SEMA6D: variants seen among roughly 807,000 people sequenced by gnomAD.
SEMA6D encodes semaphorin-6D.
Under a neutral mutation model 106.6 loss-of-function variants are expected in SEMA6D, and 35 were observed. That is an observed-to-expected ratio of 0.33 (90% confidence interval 0.25 to 0.44). The LOEUF (loss-of-function observed/expected upper bound fraction) is 0.44, where lower values mean the gene tolerates loss of function less well. SEMA6D is among the 20% of genes least tolerant of loss of function. The pLI, the probability that SEMA6D is intolerant of heterozygous loss-of-function variation, is 1.00. For synonymous variants in SEMA6D, 499 were observed against 487.7 expected (o/e 1.02, Z -0.31); for missense variants, 1,185 against 1,345.9 (o/e 0.88, Z 1.87).
At chr15:47,567,950 T>TA (rs1430515812) in intron 3 of SEMA6D, among the ~76,000 whole-genome samples, 1 of 152,122 alleles carries the variant, frequency 6.6e-6, no homozygotes, top group Non-Finnish European at 1.5e-5. Flanking sequence ...ACATGGCCAA[T>TA]AAACATGAAA....
chr15:47,301,919 G>T (rs78252824), intron 1 of SEMA6D, among the ~76,000 whole-genome samples: 1 of 152,138 alleles, frequency 6.6e-6, no homozygotes, highest in African/African-American at 2.4e-5. Context: ...AGACTAACCT[G>T]TGTAGAAAAT....
At chr15:47,432,562 C>CATATACACCTATAT (rs1555438670) in intron 2 of SEMA6D, among the ~76,000 whole-genome samples, 1 of 43,260 alleles carries the variant, frequency 2.3e-5, no homozygotes, top group African/African-American at 7.3e-5. Flanking sequence ...TATACATATA[C>CATATACACCTATAT]GCATATGTAT....
chr15:47,575,365 G>T (rs573704482), intron 3 of SEMA6D, among the ~76,000 whole-genome samples: 1 of 152,248 alleles, frequency 6.6e-6, no homozygotes, highest in East Asian at 1.9e-4. Flanking sequence ...CCACAGTAAA[G>T]CCCAGATATG....
intron 1 of SEMA6D, among the ~76,000 whole-genome samples, chr15:47,198,719 C>G (rs963216126): frequency 6.6e-6 from 1 of 152,048 alleles, no homozygotes; most frequent in African/African-American, 2.4e-5. Context: ...AGCAAGAGAA[C>G]CAGGATTCAA....
intron 1 of SEMA6D, among the ~76,000 whole-genome samples, chr15:47,379,183 C>T (rs1032320397): frequency 2.0e-5 from 3 of 152,150 alleles, no homozygotes; most frequent in African/African-American, 7.2e-5. Flanking sequence ...AAATTGTTTA[C>T]ATTTCTCTGA....
chr15:47,211,768 A>G (rs537490006), intron 1 of SEMA6D, among the ~76,000 whole-genome samples: 18 of 151,616 alleles, frequency 1.2e-4, no homozygotes, highest in South Asian at 8.3e-4. Context: ...TAGGAAAGGA[A>G]AGAAAAGAAA....
intron 3 of SEMA6D, among the ~76,000 whole-genome samples, chr15:47,556,891 G>T (rs555054487): frequency 2.0e-5 from 3 of 152,202 alleles, no homozygotes; most frequent in African/African-American, 7.2e-5. Flanking sequence ...CAGTGCAAAG[G>T]TATCATGTGT....
chr15:47,355,636 T>C (rs751001641), intron 1 of SEMA6D, among the ~76,000 whole-genome samples: 1 of 152,186 alleles, frequency 6.6e-6, no homozygotes, highest in Non-Finnish European at 1.5e-5. Flanking sequence ...TCCATGTGCT[T>C]TTTCTCTTAG....
At chr15:47,547,275 A>G (rs2045552917) in intron 3 of SEMA6D, among the ~76,000 whole-genome samples, 1 of 152,102 alleles carries the variant, frequency 6.6e-6, no homozygotes, top group Admixed American at 6.6e-5. Flanking sequence ...CATACCACAT[A>G]AGCACCTGAT....
intron 2 of SEMA6D, among the ~76,000 whole-genome samples, chr15:47,412,646 A>G (rs546448351): frequency 5.3e-5 from 8 of 152,304 alleles, no homozygotes; most frequent in Admixed American, 6.5e-5. Flanking sequence ...TACTGAACAT[A>G]GTGTTTGTTG....
At chr15:47,273,301 A>G (rs1013825499) in intron 1 of SEMA6D, among the ~76,000 whole-genome samples, 3 of 151,596 alleles carry the variant, frequency 2.0e-5, no homozygotes, top group African/African-American at 4.8e-5. Context: ...TGCCCAAGCC[A>G]GTTGCCCAGA....
intron 1 of SEMA6D, among the ~76,000 whole-genome samples, chr15:47,371,994 C>T (rs2039290006): frequency 1.3e-5 from 2 of 152,174 alleles, no homozygotes; most frequent in African/African-American, 4.8e-5. Flanking sequence ...TAGTTGAAGT[C>T]AATGTTGAAG....
At chr15:47,265,769 TA>T in intron 1 of SEMA6D, among the ~76,000 whole-genome samples, 1 of 152,230 alleles carries the variant, frequency 6.6e-6, no homozygotes, top group Non-Finnish European at 1.5e-5. Context: ...TGGGGATTGC[TA>T]TTTTTTAGGT....
chr15:47,319,596 G>T (rs2036844301), intron 1 of SEMA6D, among the ~76,000 whole-genome samples: 1 of 151,998 alleles, frequency 6.6e-6, no homozygotes, highest in Admixed American at 6.6e-5. Context: ...GAGTGTGCCG[G>T]TGTTGGATAT....
chr15:47,282,957 G>C (rs1480399702), intron 1 of SEMA6D, among the ~76,000 whole-genome samples: 2 of 152,084 alleles, frequency 1.3e-5, no homozygotes, highest in African/African-American at 4.8e-5. Context: ...TGCCAGCCAA[G>C]CTCCTTCATG....
At chr15:47,296,263 G>A (rs2035797837) in intron 1 of SEMA6D, among the ~76,000 whole-genome samples, 1 of 152,198 alleles carries the variant, frequency 6.6e-6, no homozygotes, top group Non-Finnish European at 1.5e-5. Context: ...TTGGAGAGAT[G>A]AATGGAGAAT....
chr15:47,768,549 C>T (rs1455435998), intron 17 of SEMA6D, 32 bp from the exon 18 acceptor site: 1 of 1,552,956 alleles, frequency 6.4e-7, no homozygotes, highest in Non-Finnish European at 8.8e-7. Context: ...TTGACACTAT[C>T]CATATTAATA....
chr15:47,304,787 C>A (rs2142999885), intron 1 of SEMA6D, among the ~76,000 whole-genome samples: 1 of 152,218 alleles, frequency 6.6e-6, no homozygotes, highest in East Asian at 1.9e-4. Flanking sequence ...GAGCTACCAC[C>A]TCACATAGGC....
intron 4 of SEMA6D, among the ~76,000 whole-genome samples, chr15:47,626,507 G>A (rs1218204311): frequency 6.6e-6 from 1 of 152,060 alleles, no homozygotes; most frequent in Non-Finnish European, 1.5e-5. Context: ...AGAAACTGAG[G>A]ACATTCCATG....
Sources: gnomAD v4.1 joint callset for allele counts (sites outside exome capture counted in the v4.1 genomes callset) on GRCh38, gnomAD v4.1.1 for gene constraint, MANE v1.5 for transcripts, NCBI Gene and HGNC (gene_info 2026-07-23, HGNC 2026-07-21) for gene names.